PKP4: variants seen among roughly 807,000 people sequenced by gnomAD.
The protein encoded by PKP4 is plakophilin 4, also known as plakophilin-4.
PKP4 carries 90 observed loss-of-function variants against 145.1 expected under a neutral mutation model. The ratio of observed to expected loss-of-function variants is 0.62; its 90% CI spans 0.52 to 0.74. The LOEUF (loss-of-function observed/expected upper bound fraction) is 0.74. Ranked by LOEUF, PKP4 falls within the 30% of genes least tolerant of loss-of-function variation. The pLI, the probability that PKP4 is intolerant of heterozygous loss-of-function variation, is 0.00. For synonymous variants in PKP4, 563 were observed against 577.2 expected (o/e 0.98, Z 0.35); for missense variants, 1,340 against 1,482.7 (o/e 0.90, Z 1.58).
Position 158,467,326 on chromosome 2 carries a change from G to C in PKP4, c.-6+10108G>C, listed in dbSNP as rs78581442. Among the ~76,000 whole-genome samples, 440 of 152,048 alleles carry C rather than the reference G, an allele frequency of 2.9e-3. 7 individuals carry two copies. The East Asian group carries it at 0.044, about 15-fold the overall frequency. ...TACACAACATTTCCATCACCACAAC[G>C]CTCATCTCTCCTACTCTCATCGCCT... is the stretch of plus-strand genomic sequence containing the variant. On this transcript the variant is annotated intron_variant, in intron 1 of 21. Transcript: ENST00000389759.
At chr2:158,600,354 G>A (rs2050128541) in intron 3 of PKP4, among the ~76,000 whole-genome samples, 1 of 152,164 alleles carries the variant, frequency 6.6e-6, no homozygotes. Context: ...AAGCTGCTTG[G>A]CATCTTCAGA....
intron 2 of PKP4, among the ~76,000 whole-genome samples, chr2:158,575,991 A>G (rs572743358): frequency 2.6e-5 from 4 of 152,302 alleles, no homozygotes; most frequent in African/African-American, 9.6e-5. Flanking sequence ...CTTACCGATT[A>G]TGATCATATT....
chr2:158,581,657 C>T (rs1238375919), intron 3 of PKP4, among the ~76,000 whole-genome samples: 1 of 152,184 alleles, frequency 6.6e-6, no homozygotes, highest in Non-Finnish European at 1.5e-5. Flanking sequence ...GGTTCCCTCA[C>T]ACTTGTAGGA....
intron 2 of PKP4, among the ~76,000 whole-genome samples, chr2:158,572,651 G>C (rs776870400): frequency 1.3e-5 from 2 of 152,188 alleles, no homozygotes; most frequent in Non-Finnish European, 2.9e-5. Flanking sequence ...CCACAGAAGA[G>C]GACAGGCCTG....
At chr2:158,546,553 G>T (rs1264505889) in intron 2 of PKP4, among the ~76,000 whole-genome samples, 1 of 152,134 alleles carries the variant, frequency 6.6e-6, no homozygotes, top group African/African-American at 2.4e-5. Context: ...GCACCATAGG[G>T]CATGAGCCAA....
Position 158,502,446 on chromosome 2 carries a change from T to C in PKP4, c.-5-30734T>C, listed in dbSNP as rs116370538. On this transcript the variant is annotated intron_variant, in intron 1 of 21. Transcript: ENST00000389759. ...CCTGGGCTGGAAATTTTAGCTTAAA[T>C]TGTCTCTCAAATCCATTTGAGCTTT... 4.8e-3 allele frequency among the ~76,000 whole-genome samples: 731 copies of C among 152,268 alleles called. 1 individual carries two copies. Among genetic ancestry groups the C allele is most frequent in the African/African-American group, 0.016 (668 of 41,558 alleles).
At chr2:158,657,337 G>A (rs1461872789) in intron 11 of PKP4, among the ~76,000 whole-genome samples, 2 of 152,074 alleles carry the variant, frequency 1.3e-5, no homozygotes, top group African/African-American at 2.4e-5. Flanking sequence ...AAAAATTAAG[G>A]CCCTCTAATA....
intron 2 of PKP4, among the ~76,000 whole-genome samples, chr2:158,569,026 C>G (rs1419265298): frequency 6.6e-6 from 1 of 152,148 alleles, no homozygotes; most frequent in African/African-American, 2.4e-5. Context: ...TGAGACTCTA[C>G]CTGTCTTCTT....
In PKP4 at chr2:158,676,679, A is replaced by C. The variant is rs570047219; in HGVS notation, c.3128-60A>C. 16 of 1,600,282 alleles carry C rather than the reference A, an allele frequency of 1.0e-5. No individual in the cohort carries two copies. In the South Asian group the frequency reaches 1.8e-4, roughly 18 times the overall value. On this transcript the variant is annotated intron_variant, in intron 19 of 21. Coordinates refer to ENST00000389759, the MANE Select transcript of PKP4 (RefSeq NM_003628.6). ...TGTTTCTGGAGAGGATTTTCCACAG[A>C]TACTGATGCTGATTTCTCTTTCTAC...
rs2044659872 is a variant in PKP4 at position 158,543,007 on chromosome 2, C to G, written c.132+9691C>G. On this transcript the variant is annotated intron_variant, in intron 2 of 21. Transcript: ENST00000389759. Reference sequence around the variant, plus strand: ...GGTAGATTTTCTATGTTCCTTATCACAAATTTTGGGGTTAATGTAGTAAAA... The same window carrying G: ...GGTAGATTTTCTATGTTCCTTATCAGAAATTTTGGGGTTAATGTAGTAAAA... 3.3e-5 allele frequency among the ~76,000 whole-genome samples: 5 copies of G among 152,154 alleles called. No individual in the cohort carries two copies. The South Asian group carries it at 1.0e-3, about 31-fold the overall frequency.
At chr2:158,482,384 A>G (rs1481605845) in intron 1 of PKP4, among the ~76,000 whole-genome samples, 1 of 152,150 alleles carries the variant, frequency 6.6e-6, no homozygotes, top group African/African-American at 2.4e-5. Context: ...CCTGGACCCA[A>G]GTGATCCTCC....
chr2:158,644,955 C>G (rs950782625), intron 11 of PKP4, among the ~76,000 whole-genome samples: 10 of 152,258 alleles, frequency 6.6e-5, no homozygotes, highest in Middle Eastern at 3.4e-3. Context: ...TAATTTCATT[C>G]CCCCCAGGTT....
rs1346418654 is a variant in PKP4 at position 158,586,480 on chromosome 2, A to G, written c.245+9097A>G. ...TCACTAGTGACTCTCTTAATGGTCAAATATTCTAAAGCTCCCTAACTTCAT... is the reference window on the plus strand; with the variant it reads ...TCACTAGTGACTCTCTTAATGGTCAGATATTCTAAAGCTCCCTAACTTCAT... On this transcript the variant is annotated intron_variant, in intron 3 of 21. Transcript: ENST00000389759. Among the ~76,000 whole-genome samples the G allele has an allele frequency of 4.6e-5, 7 of 152,210 alleles. No homozygotes were observed. The East Asian group carries it at 1.3e-3, about 29-fold the overall frequency.
chr2:158,585,121 G>A (rs1215538032), intron 3 of PKP4, among the ~76,000 whole-genome samples: 1 of 152,140 alleles, frequency 6.6e-6, no homozygotes, highest in South Asian at 2.1e-4. Context: ...TTTTGCAAAT[G>A]ATTTTGAAAT....
intron 2 of PKP4, among the ~76,000 whole-genome samples, chr2:158,545,858 C>T (rs1291877066): frequency 2.6e-5 from 4 of 152,144 alleles, no homozygotes; most frequent in East Asian, 1.9e-4. Flanking sequence ...CTCAATTTCT[C>T]TTGCATATAG....
chr2:158,614,618 T>C (rs1358872129), intron 4 of PKP4, among the ~76,000 whole-genome samples: 1 of 152,224 alleles, frequency 6.6e-6, no homozygotes, highest in Non-Finnish European at 1.5e-5. Context: ...CAAATAAGAA[T>C]ATTAGATTTT....
At chr2:158,548,210 G>A (rs1016097997) in intron 2 of PKP4, among the ~76,000 whole-genome samples, 1 of 151,994 alleles carries the variant, frequency 6.6e-6, no homozygotes, top group African/African-American at 2.4e-5. Flanking sequence ...TGAGGACCAG[G>A]ATTATGGAAA....
At chr2:158,661,767 C>G (rs1029673155) in intron 13 of PKP4, 2 of 244,690 alleles carry the variant, frequency 8.2e-6, no homozygotes, top group African/African-American at 4.5e-5. Context: ...TCAGAGCCAT[C>G]AGTATTTGAG....
At chr2:158,464,603 G>A (rs1333280253) in intron 1 of PKP4, among the ~76,000 whole-genome samples, 1 of 152,188 alleles carries the variant, frequency 6.6e-6, no homozygotes. Flanking sequence ...TACTACTATT[G>A]TATGCAGTAT....
Sources: allele counts gnomAD v4.1 joint callset (sites outside exome capture counted in the v4.1 genomes callset), GRCh38; gene constraint gnomAD v4.1.1; transcripts MANE v1.5; gene names NCBI Gene and HGNC (gene_info 2026-07-23, HGNC 2026-07-21).